The following NINJ2 variants were observed in gnomAD, a reference collection of about 807,000 sequenced individuals.
The protein encoded by NINJ2 is ninjurin-2.
A neutral mutation model predicts 11.7 loss-of-function variants in NINJ2; 12 were observed. That is an observed-to-expected ratio of 1.02 (90% CI 0.66 to 1.66). The LOEUF is 1.66. NINJ2 is among the 40% of genes most tolerant of loss of function. The probability of loss-of-function intolerance (pLI) is 0.00; values close to 1 mark genes in which losing one functional copy is unlikely to be tolerated. For synonymous variants in NINJ2, 93 were observed against 76.8 expected, an observed-to-expected ratio of 1.21 and a Z score of -1.10; for missense variants, 187 against 181.8, an observed-to-expected ratio of 1.03 and a Z score of -0.16.
In NINJ2 at chr12:649,537, A is replaced by G. The variant is rs1003944088; in HGVS notation, c.33+13791T>C. 4.1e-5 allele frequency among the ~76,000 whole-genome samples: 6 copies of G among 146,450 alleles called. 1 individual carries two copies. The highest frequency in any genetic ancestry group is 1.5e-4 in the African/African-American group (6 of 40,342). ...TATGTGTGTGTGTATATGTGTATAT[A>G]TATATATATATATATAGTAGCCCAT... On this transcript the variant is annotated intron_variant, in intron 1 of 3. Transcript: ENST00000305108.
At chr12:655,124 A>C (rs1279494778) in intron 1 of NINJ2, among the ~76,000 whole-genome samples, 2 of 152,200 alleles carry the variant, frequency 1.3e-5, no homozygotes, top group Non-Finnish European at 2.9e-5. Flanking sequence ...CTTAATGATA[A>C]GAAAGTAGAA....
At chr12:642,042 C>CCGTATTT (rs1056191292) in intron 1 of NINJ2, among the ~76,000 whole-genome samples, 3 of 152,152 alleles carry the variant, frequency 2.0e-5, no homozygotes, top group South Asian at 4.1e-4. Context: ...GGGAAAGGGC[C>CCGTATTT]CGTATTTCGG....
At chr12:570,194 C>G (rs2120791612) in intron 1 of NINJ2, among the ~76,000 whole-genome samples, 1 of 152,334 alleles carries the variant, frequency 6.6e-6, no homozygotes, top group South Asian at 2.1e-4. Context: ...TCCAGCACAA[C>G]CTGCAGCCGA....
At chr12:594,552 C>T (rs533061223) in intron 1 of NINJ2, among the ~76,000 whole-genome samples, 91 of 152,118 alleles carry the variant, frequency 6.0e-4, no homozygotes, top group Non-Finnish European at 1.2e-3. Context: ...CTTTGGGAGG[C>T]GAAGGTGGGT....
At chr12:572,866 T>A (rs1362766317) in intron 1 of NINJ2, among the ~76,000 whole-genome samples, 2 of 148,510 alleles carry the variant, frequency 1.3e-5, no homozygotes, top group Admixed American at 1.3e-4. Context: ...TTTTTTTTTT[T>A]TTTTTTTGAG....
At chr12:565,145 C>A in intron 3 of NINJ2, 72 bp downstream of exon 3, 2 of 1,292,270 alleles carry the variant, frequency 1.5e-6, no homozygotes, top group South Asian at 3.1e-5. Context: ...GTTTCTTGCC[C>A]CAAAGCCCCA....
In NINJ2 at chr12:659,152, GACCTTCTTCTATTCATAAGTGTTTTT is replaced by G. The variant is rs1397628122; in HGVS notation, c.33+4150_33+4175del. 2.0e-5 allele frequency among the ~76,000 whole-genome samples: 3 copies of G among 151,178 alleles called. 1 individual carries two copies. The highest frequency in any genetic ancestry group is 4.4e-5 in the Non-Finnish European group (3 of 67,908). Reference sequence around the variant, plus strand: ...ACACTCCCAGAGTACTTTGCCTATAGACCTTCTTCTATTCATAAGTGTTTTTACCTCCACTCCCATCTCATTCTATC... The same window carrying G: ...ACACTCCCAGAGTACTTTGCCTATAGACCTCCACTCCCATCTCATTCTATC... On this transcript the variant is annotated intron_variant, in intron 1 of 3. Transcript: ENST00000305108.
At chr12:651,592 T>G (rs950659041) in intron 1 of NINJ2, among the ~76,000 whole-genome samples, 1 of 152,246 alleles carries the variant, frequency 6.6e-6, no homozygotes, top group East Asian at 1.9e-4. Context: ...AAACCACAAT[T>G]GGAAGAGAAG....
At chr12:635,693 C>T (rs779823731) in intron 1 of NINJ2, among the ~76,000 whole-genome samples, 8 of 152,182 alleles carry the variant, frequency 5.3e-5, no homozygotes, top group Non-Finnish European at 8.8e-5. Context: ...TAGAATATGA[C>T]AGCAAAATTG....
At chr12:649,864 CTAACA>C (rs1213149535) in intron 1 of NINJ2, among the ~76,000 whole-genome samples, 5 of 151,974 alleles carry the variant, frequency 3.3e-5, no homozygotes, top group African/African-American at 4.8e-5. Flanking sequence ...CTTCTTTAAC[CTAACA>C]TATGATTAGC....
chr12:654,699 G>C (rs1431421974), intron 1 of NINJ2, among the ~76,000 whole-genome samples: 1 of 134,180 alleles, frequency 7.5e-6, no homozygotes, highest in African/African-American at 2.8e-5. Flanking sequence ...TTCAAGACAA[G>C]CCTGACCAAC....
At chr12:569,639 T>C (rs780195108) in intron 1 of NINJ2, among the ~76,000 whole-genome samples, 2 of 151,682 alleles carry the variant, frequency 1.3e-5, no homozygotes, top group Non-Finnish European at 2.9e-5. Context: ...GACCAAATAG[T>C]GGGGGAAGGG....
rs1042711383 is a variant in NINJ2, at chr12:580,748, C to T, written c.34-14570G>A. 1.3e-5 allele frequency among the ~76,000 whole-genome samples: 2 copies of T among 152,124 alleles called. No individual in the cohort carries two copies. Among genetic ancestry groups the T allele is most frequent in the African/African-American group, 2.4e-5 (1 of 41,402 alleles). On this transcript the variant is annotated intron_variant, in intron 1 of 3. Coordinates refer to ENST00000305108, the MANE Select transcript of NINJ2 (RefSeq NM_016533.6). The surrounding 1 kb of genome is among the most constrained non-coding windows in gnomAD (Gnocchi z 4.7). ...CTATAGTATACAAACACCTCGACTG[C>T]GCTGCTGACTCCCCTCCATATGCCA...
intron 1 of NINJ2, among the ~76,000 whole-genome samples, chr12:595,760 A>G (rs373695921): frequency 6.3e-4 from 94 of 149,864 alleles, no homozygotes; most frequent in Middle Eastern, 7.0e-3. Context: ...TCTTAGGGGG[A>G]AAAAAAAAAC....
At chr12:637,635 C>T (rs138042251) in intron 1 of NINJ2, among the ~76,000 whole-genome samples, 1,499 of 145,578 alleles carry the variant, frequency 0.01, 31 homozygotes, top group African/African-American at 0.036. Context: ...AGTGAGACTC[C>T]ATCTCAAAAA....
In NINJ2 at chr12:575,454, C is replaced by T. The variant is rs528008740; in HGVS notation, c.34-9276G>A. Among the ~76,000 whole-genome samples the T allele has an allele frequency of 7.9e-4, 120 of 152,226 alleles. 1 individual carries two copies. The highest frequency in any genetic ancestry group is 1.6e-3 in the Non-Finnish European group (112 of 68,046). ...CCTGCTCTGCTCCAGGACTACAGGC[C>T]TTTCTTTCTTCACCATGCTCCCCCC... On this transcript the variant is annotated intron_variant, in intron 1 of 3. Transcript: ENST00000305108.
At position 580,750 on chromosome 12, in the gene NINJ2, C is replaced by T. The variant is rs1397677151; in HGVS notation, c.34-14572G>A. ...ATAGTATACAAACACCTCGACTGCG[C>T]TGCTGACTCCCCTCCATATGCCACG... is the stretch of plus-strand genomic sequence containing the variant. On this transcript the variant is annotated intron_variant, in intron 1 of 3. Coordinates refer to ENST00000305108, the MANE Select transcript of NINJ2 (RefSeq NM_016533.6). This position sits in a 1 kb window ranked among gnomAD's most constrained non-coding sequence, Gnocchi z 4.7. Among the ~76,000 whole-genome samples the T allele has an allele frequency of 6.6e-6, 1 of 152,146 alleles. No homozygotes were observed. Among genetic ancestry groups the T allele is most frequent in the Non-Finnish European group, 1.5e-5 (1 of 68,036 alleles).
chr12:568,392 C>A (rs1947330086), intron 1 of NINJ2, among the ~76,000 whole-genome samples: 1 of 152,166 alleles, frequency 6.6e-6, no homozygotes, highest in African/African-American at 2.4e-5. Context: ...AAACTCAGCC[C>A]CACGTCTCCA....
At chr12:613,340 G>C (rs1948056393) in intron 1 of NINJ2, among the ~76,000 whole-genome samples, 1 of 152,220 alleles carries the variant, frequency 6.6e-6, no homozygotes, top group Non-Finnish European at 1.5e-5. Flanking sequence ...GGGGGCGGTG[G>C]CTCATGCCTA....
Sources: allele counts gnomAD v4.1 joint callset (sites outside exome capture counted in the v4.1 genomes callset), GRCh38; gene constraint gnomAD v4.1.1; non-coding constraint Gnocchi (gnomAD v3.1); transcripts MANE v1.5; gene names NCBI Gene and HGNC (gene_info 2026-07-23, HGNC 2026-07-21).